ADAR: variants seen among roughly 807,000 people sequenced by gnomAD.
The protein encoded by ADAR is double-stranded RNA-specific adenosine deaminase.
In ADAR, 41 loss-of-function variants were observed where a neutral mutation model predicts 113.2. That is an observed-to-expected ratio of 0.36 (90% CI 0.28 to 0.47). The LOEUF (loss-of-function observed/expected upper bound fraction) is 0.47. ADAR is among the 20% of genes least tolerant of loss of function. The probability of loss-of-function intolerance (pLI) is 1.00; values close to 1 mark genes in which losing one functional copy is unlikely to be tolerated. For synonymous variants in ADAR, 605 were observed against 572.6 expected (o/e 1.06, Z -0.81); for missense variants, 1,242 against 1,540.9 (o/e 0.81, Z 3.25).
upstream of ADAR, among the ~76,000 whole-genome samples, chr1:154,611,383 A>G (rs1050878122): frequency 1.3e-5 from 2 of 152,144 alleles, no homozygotes; most frequent in Non-Finnish European, 2.9e-5. Context: ...AAGTAACTGC[A>G]GACAGTCTTA....
At chr1:154,596,319 T>G (rs1293914118) in intron 6 of ADAR, among the ~76,000 whole-genome samples, 1 of 151,020 alleles carries the variant, frequency 6.6e-6, no homozygotes, top group Non-Finnish European at 1.5e-5. Context: ...CTCAGCTCAC[T>G]GCAACCTCCG....
At chr1:154,594,853 T>A (rs865953724) in intron 6 of ADAR, among the ~76,000 whole-genome samples, 2 of 151,988 alleles carry the variant, frequency 1.3e-5, no homozygotes, top group Non-Finnish European at 2.9e-5. Context: ...AGTAAAGGAG[T>A]CAACGTATAA....
upstream of ADAR, among the ~76,000 whole-genome samples, chr1:154,611,244 C>T (rs992259212): frequency 1.3e-5 from 2 of 152,258 alleles, no homozygotes; most frequent in South Asian, 2.1e-4. Flanking sequence ...GAAGCTGCAC[C>T]GCTGCTCCCC....
intron 1 of ADAR, among the ~76,000 whole-genome samples, chr1:154,618,852 G>A (rs1014193073): frequency 6.6e-6 from 1 of 152,238 alleles, no homozygotes; most frequent in Admixed American, 6.5e-5. Flanking sequence ...GCTTATGCCT[G>A]TAATCTCAGC....
chr1:154,605,158 G>A (rs930082263), intron 1 of ADAR, among the ~76,000 whole-genome samples: 3 of 152,152 alleles, frequency 2.0e-5, no homozygotes, highest in African/African-American at 7.2e-5. Context: ...TGTCTTAAAT[G>A]TGTTTTCTTC....
chr1:154,585,282 G>GACGCTTGTCTCC lies in ADAR; in HGVS notation c.3366_3377dup (p.Glu1123_Val1126dup). The GACGCTTGTCTCC allele has an allele frequency of 6.2e-7, 1 of 1,614,164 alleles. No homozygotes were observed. The highest frequency in any genetic ancestry group is 8.5e-7 in the Non-Finnish European group (1 of 1,180,026). ...CATAGCCATCAGCCAGACACCAGTT[G>GACGCTTGTCTCC]ACGCTTGTCTCCTTAGTCTTCCCGG... is the stretch of plus-strand genomic sequence containing the variant. On this transcript the variant is annotated inframe_insertion, in exon 14 of 15. Coordinates refer to ENST00000368474, the MANE Select transcript of ADAR (RefSeq NM_001111.5).
At position 154,608,029 on chromosome 1, in the gene ADAR, G is replaced by GCCCGA; in HGVS notation, c.-28_-24dup. The stretch of plus-strand genomic sequence containing the variant: ...CATTGCGCCCGCGAGGCATTGCCCG[G>GCCCGA]CCCGACCCGCCGGCGGCACGACCCT... On this transcript the variant is annotated 5_prime_UTR_variant, in exon 1 of 15. Coordinates refer to ENST00000368474, the MANE Select transcript of ADAR (RefSeq NM_001111.5). 3 of 1,569,118 alleles carry GCCCGA rather than the reference G, an allele frequency of 1.9e-6. No individual in the cohort carries two copies. The highest frequency in any genetic ancestry group is 1.2e-5 in the South Asian group (1 of 86,500).
At chr1:154,626,071 T>TA (rs1244423637) in intron 1 of ADAR, among the ~76,000 whole-genome samples, 1 of 145,606 alleles carries the variant, frequency 6.9e-6, no homozygotes, top group Non-Finnish European at 1.5e-5. Context: ...CTACTCGGGA[T>TA]AAAATTGAAA....
At chr1:154,596,285 C>A (rs1004422664) in intron 6 of ADAR, among the ~76,000 whole-genome samples, 4 of 152,136 alleles carry the variant, frequency 2.6e-5, no homozygotes, top group African/African-American at 9.7e-5. Context: ...CTCTGTTGCT[C>A]AGGCTGGAGT....
chr1:154,584,623 C>T lies in ADAR; in HGVS notation c.*183G>A, dbSNP rs1008664632. 1.9e-5 allele frequency: 12 copies of T among 634,048 alleles called. No individual in the cohort carries two copies. The African/African-American group carries it at 2.2e-4, about 12-fold the overall frequency. 39.3% of individuals were successfully genotyped at this position (634,048 alleles called of 1,614,324 possible). ...AAAAGGGGGGCCTGGCCAGACCTTG[C>T]CTAGCAATCCCAAAGAAAGCAGGAT... On this transcript the variant is annotated 3_prime_UTR_variant, in exon 15 of 15. Transcript: ENST00000368474.
chr1:154,590,071 G>T, intron 7 of ADAR, 113 bp downstream of exon 7: 1 of 1,483,892 alleles, frequency 6.7e-7, no homozygotes. Context: ...CTGCTCTCTC[G>T]AGGCTAAGAG....
In ADAR at chr1:154,597,972, G is replaced by A; in HGVS notation, c.1790C>T (p.Ala597Val). 3 of 1,613,800 alleles carry A rather than the reference G, an allele frequency of 1.9e-6. No individual in the cohort carries two copies. Among genetic ancestry groups the A allele is most frequent in the South Asian group, 1.1e-5 (1 of 91,042 alleles). ...TGAAGGGGTGGGGGTCTGGGACTCT[G>A]CAGTCTAGAGAAAATGAGAGACAAG... Reference protein sequence around the residue: ...YSTEKESEKTAESQTPTPSAT... With the variant: ...YSTEKESEKTVESQTPTPSAT... The change falls in exon 4 of 15, where the codon GCA (alanine) becomes GTA (valine). Residue 597 changes from alanine to valine, a missense_variant. By Grantham distance (64) the Ala-to-Val change is moderately conservative (BLOSUM62 0). This residue lies in a region of ADAR where 780 missense variants were observed against 1,057.9 expected (regional missense o/e 0.74). Coordinates refer to ENST00000368474, the MANE Select transcript of ADAR (RefSeq NM_001111.5).
chr1:154,586,221 G>C lies in ADAR; in HGVS notation c.3162C>G (p.Thr1054=), dbSNP rs748338156. ...NVLGLQGALL[T]HFLQPIYLKS... ...TGAGATAAATGGGCTGCAGGAAGTG[G>C]GTCAACAGTGCCCCTTGCAGGCCCA... Residue 1054 remains threonine (T), a synonymous_variant, in exon 12 of 15, where the codon ACC becomes ACG. Coordinates refer to ENST00000368474, the MANE Select transcript of ADAR (RefSeq NM_001111.5). The C allele has an allele frequency of 6.2e-7, 1 of 1,614,110 alleles. No individual in the cohort carries two copies. The highest frequency in any genetic ancestry group is 1.7e-5 in the Admixed American group (1 of 60,014).
chr1:154,602,768 G>A, intron 1 of ADAR, 142 bp from the exon 2 acceptor site: 2 of 1,035,876 alleles, frequency 1.9e-6, no homozygotes, highest in Non-Finnish European at 2.8e-6. Context: ...CTTGGCTAGG[G>A]TGACTTGCCT....
intron 1 of ADAR, chr1:154,605,892 A>G: frequency 1.3e-6 from 1 of 771,206 alleles, no homozygotes; most frequent in Non-Finnish European, 1.6e-6. Flanking sequence ...AGTCAGTTAA[A>G]AGCTAAATGT....
chr1:154,588,296 G>A (rs1306126437), intron 10 of ADAR, 38 bp from the exon 11 acceptor site: 2 of 1,614,058 alleles, frequency 1.2e-6, no homozygotes, highest in Non-Finnish European at 1.7e-6. Flanking sequence ...TCACCTGTGG[G>A]AAATCTGCAA....
intron 9 of ADAR, 140 bp downstream of exon 9, chr1:154,589,229 G>A (rs1696962175): frequency 1.4e-6 from 1 of 731,726 alleles, no homozygotes; most frequent in South Asian, 1.4e-5. Flanking sequence ...AAATGGACGG[G>A]TGAAAAGCAA....
intron 6 of ADAR, among the ~76,000 whole-genome samples, chr1:154,594,170 C>T (rs1282998989): frequency 6.6e-6 from 1 of 152,236 alleles, no homozygotes; most frequent in East Asian, 1.9e-4. Flanking sequence ...GCGTAAGCCA[C>T]TGCGCCCGGC....
chr1:154,585,762 G>C lies in ADAR; in HGVS notation c.3306C>G (p.Asn1102Lys). ...EDGLRHPFIV[N>K]HPKVGRVSIY... ...AAGGGGGTTATAGCACCTTGGGGTGGTTGACAATAAAGGGATGTCGTAGTC... is the reference window on the plus strand; with the variant it reads ...AAGGGGGTTATAGCACCTTGGGGTGCTTGACAATAAAGGGATGTCGTAGTC... Residue 1102 changes from asparagine to lysine, a missense_variant, in exon 13 of 15, where the codon AAC becomes AAG. Physicochemically the swap from Asn to Lys is moderately conservative, Grantham distance 94. This residue lies in a region of ADAR where 780 missense variants were observed against 1,057.9 expected (regional missense o/e 0.74). Transcript: ENST00000368474. 1 of 1,613,504 alleles carries C rather than the reference G, an allele frequency of 6.2e-7. No individual in the cohort carries two copies. Among genetic ancestry groups the C allele is most frequent in the Non-Finnish European group, 8.5e-7 (1 of 1,179,448 alleles).
Sources: gnomAD v4.1 joint callset for allele counts (sites outside exome capture counted in the v4.1 genomes callset) on GRCh38, gnomAD v4.1.1 for gene constraint, gnomAD v4.1.1 regional missense constraint, MANE v1.5 for transcripts, NCBI Gene and HGNC (gene_info 2026-07-23, HGNC 2026-07-21) for gene names.